The following RYR3 variants were observed in gnomAD, a reference collection of about 807,000 sequenced individuals.
RYR3 encodes the protein brain ryanodine receptor-calcium release channel.
In RYR3, 207 loss-of-function variants were observed where a neutral mutation model predicts 584.3. That is an observed-to-expected ratio of 0.35 (90% CI 0.32 to 0.40). The LOEUF (loss-of-function observed/expected upper bound fraction) is 0.40, where lower values mean the gene tolerates loss of function less well. Among genes scored for constraint, RYR3 ranks in the 10% least tolerant of loss-of-function variants. The pLI is 1.00. For synonymous variants in RYR3, 2,416 were observed against 2,248.5 expected, an observed-to-expected ratio of 1.07 and a Z score of -2.11; for missense variants, 5,616 against 6,089.2, an observed-to-expected ratio of 0.92 and a Z score of 2.59.
At chr15:33,670,189 C>T (rs2063759084) in intron 37 of RYR3, among the ~76,000 whole-genome samples, 2 of 152,032 alleles carry the variant, frequency 1.3e-5, no homozygotes, top group Non-Finnish European at 2.9e-5. Context: ...ATTCAAAACA[C>T]ATGTTTTAGG....
intron 1 of RYR3, among the ~76,000 whole-genome samples, chr15:33,368,710 G>A (rs901611183): frequency 6.6e-6 from 1 of 152,072 alleles, no homozygotes; most frequent in African/African-American, 2.4e-5. Context: ...TTGTCGGAGT[G>A]CCCCAGAACC....
rs115727769 is a variant in RYR3, at chr15:33,865,351, C to A, written c.*125C>A. 1,003 of 673,522 alleles carry A rather than the reference C, an allele frequency of 1.5e-3. 5 individuals carry two copies. The African/African-American group carries it at 0.017, about 11-fold the overall frequency. The allele number at this position is 673,522 out of a possible 1,614,324, so 41.7% of individuals were successfully genotyped here. On this transcript the variant is annotated 3_prime_UTR_variant, in exon 104 of 104. Coordinates refer to ENST00000634891, the MANE Select transcript of RYR3 (RefSeq NM_001036.6). ...CTAAATGCCTCCCTTAAAAAAAAAACTGCTGAAAATCTGTGCTATTTTGAA... is the reference window on the plus strand; with the variant it reads ...CTAAATGCCTCCCTTAAAAAAAAAAATGCTGAAAATCTGTGCTATTTTGAA...
intron 38 of RYR3, among the ~76,000 whole-genome samples, chr15:33,693,922 A>G (rs1253812649): frequency 1.3e-5 from 2 of 152,164 alleles, no homozygotes; most frequent in African/African-American, 4.8e-5. Context: ...GAGTGCCCGG[A>G]CTAGGCCCTG....
Position 33,667,546 on chromosome 15 carries a change from T to C in RYR3, c.5620-1808T>C, listed in dbSNP as rs187944938. On this transcript the variant is annotated intron_variant, in intron 36 of 103. Transcript: ENST00000634891. ...CTACTTCAAGACCACAGTGGATAGATATAAGACCTGCCACTAGATCATTTT... is the reference window on the plus strand; with the variant it reads ...CTACTTCAAGACCACAGTGGATAGACATAAGACCTGCCACTAGATCATTTT... 1.1e-4 allele frequency among the ~76,000 whole-genome samples: 16 copies of C among 152,278 alleles called. 1 individual carries two copies. In the East Asian group the frequency reaches 2.3e-3, roughly 22 times the overall value.
chr15:33,662,935 C>A lies in RYR3; in HGVS notation c.5405C>A (p.Ser1802Tyr). The A allele has an allele frequency of 6.2e-7, 1 of 1,612,076 alleles. No individual in the cohort carries two copies. Among genetic ancestry groups the A allele is most frequent in the African/African-American group, 1.3e-5 (1 of 75,014 alleles). The change falls in exon 35 of 104, where the codon TCC (serine) becomes TAC (tyrosine). Residue 1802 changes from serine to tyrosine, a missense_variant. Physicochemically the swap from Ser to Tyr is moderately radical, Grantham distance 144. Around this residue, in one of 9 missense-constraint regions of RYR3, gnomAD observed 753 missense variants for 741.0 expected, o/e 1.02. Transcript: ENST00000634891. Reference protein sequence around the residue: ...KGLLQTRLPESVKLQMCELLS... With the variant: ...KGLLQTRLPEYVKLQMCELLS... ...TTGTTGCAGACTCGATTACCCGAAT[C>A]CGTCAAGCTGCAGGTAAGCTGCAGG...
intron 12 of RYR3, among the ~76,000 whole-genome samples, chr15:33,569,317 T>C (rs549902959): frequency 6.6e-6 from 1 of 152,338 alleles, no homozygotes; most frequent in African/African-American, 2.4e-5. Flanking sequence ...TAGCCATTTT[T>C]AGTTTCAGTG....
intron 3 of RYR3, among the ~76,000 whole-genome samples, chr15:33,514,794 G>A (rs1303424323): frequency 6.6e-6 from 1 of 152,022 alleles, no homozygotes; most frequent in African/African-American, 2.4e-5. Context: ...GAGGTCAGGA[G>A]ATCGAGACCA....
intron 18 of RYR3, among the ~76,000 whole-genome samples, chr15:33,604,531 C>T (rs1405019209): frequency 6.6e-6 from 1 of 152,108 alleles, no homozygotes; most frequent in African/African-American, 2.4e-5. Context: ...ACTTATTTAT[C>T]CTGGATCACT....
intron 1 of RYR3, among the ~76,000 whole-genome samples, chr15:33,409,637 C>T (rs941780670): frequency 1.3e-5 from 2 of 152,254 alleles, no homozygotes; most frequent in East Asian, 3.9e-4. Context: ...AGTATTTTGT[C>T]GTTTTAAAAT....
chr15:33,692,965 G>A (rs2065547166), intron 38 of RYR3, among the ~76,000 whole-genome samples: 1 of 152,146 alleles, frequency 6.6e-6, no homozygotes, highest in African/African-American at 2.4e-5. Flanking sequence ...AGAGAAGATG[G>A]TCCTTGAGCA....
At chr15:33,772,857 G>A (rs940964597) in intron 63 of RYR3, among the ~76,000 whole-genome samples, 1 of 152,228 alleles carries the variant, frequency 6.6e-6, no homozygotes, top group Admixed American at 6.5e-5. Flanking sequence ...CATAGAAACA[G>A]TGCAGTTCCT....
rs551497289 is a variant in RYR3, at chr15:33,410,910, G to A, written c.52-62509G>A. On this transcript the variant is annotated intron_variant, in intron 1 of 103. Transcript: ENST00000634891. ...GAAGCAAAGGCACATCTTACATGGC[G>A]GCAGGCAACAGAGCTTGTGCAAGGG... Among the ~76,000 whole-genome samples the A allele has an allele frequency of 9.8e-5, 15 of 152,292 alleles. No individual in the cohort carries two copies. In the East Asian group the frequency reaches 1.9e-3, roughly 20 times the overall value.
chr15:33,581,701 A>G (rs1595700008), intron 14 of RYR3, 58 bp downstream of exon 14: 1 of 1,475,898 alleles, frequency 6.8e-7, no homozygotes, highest in East Asian at 2.3e-5. Context: ...TTCCACGTGC[A>G]ATCCCAAGAT....
chr15:33,576,679 G>A (rs2058315828), intron 12 of RYR3, among the ~76,000 whole-genome samples: 1 of 152,142 alleles, frequency 6.6e-6, no homozygotes, highest in Admixed American at 6.5e-5. Flanking sequence ...AGCAAAAGCT[G>A]GAAGCATTCC....
intron 48 of RYR3, among the ~76,000 whole-genome samples, chr15:33,732,387 CA>C (rs3086238): frequency 0.62 from 80,749 of 130,178 alleles, 24,177 homozygotes; most frequent in Admixed American, 0.65. Context: ...GACTCCATCT[CA>C]AAAAAAAAAA....
At chr15:33,708,480 C>A (rs1454008905) in intron 43 of RYR3, among the ~76,000 whole-genome samples, 4 of 152,130 alleles carry the variant, frequency 2.6e-5, no homozygotes, top group African/African-American at 9.7e-5. Context: ...GGGTTAGGTA[C>A]AACAATATTG....
At chr15:33,699,629 G>A in intron 40 of RYR3, 75 bp from the exon 41 acceptor site, 1 of 1,395,350 alleles carries the variant, frequency 7.2e-7, no homozygotes, top group Non-Finnish European at 9.9e-7. Flanking sequence ...ACCCACTTAA[G>A]ACTCTGAGGT....
At chr15:33,423,503 A>G (rs1032159445) in intron 1 of RYR3, among the ~76,000 whole-genome samples, 10 of 152,230 alleles carry the variant, frequency 6.6e-5, no homozygotes, top group Non-Finnish European at 1.5e-4. Context: ...ATATATACCT[A>G]GAAGTGGAGT....
intron 86 of RYR3, 127 bp from the exon 87 acceptor site, chr15:33,834,841 G>A (rs2077935483): frequency 1.7e-6 from 1 of 604,874 alleles, no homozygotes; most frequent in Admixed American, 3.1e-5. Context: ...AAAATACTGA[G>A]CTATGAAATA....
Sources: allele counts gnomAD v4.1 joint callset (sites outside exome capture counted in the v4.1 genomes callset), GRCh38; gene constraint gnomAD v4.1.1; regional missense constraint gnomAD v4.1.1; transcripts MANE v1.5; gene names NCBI Gene and HGNC (gene_info 2026-07-23, HGNC 2026-07-21).